Variants in GRIP1 observed in about 807,000 individuals in gnomAD.
GRIP1 encodes glutamate receptor-interacting protein 1.
A neutral mutation model predicts 129.9 loss-of-function variants in GRIP1; 45 were observed. That is an observed-to-expected ratio of 0.35 (90% CI 0.27 to 0.44). GRIP1 has a LOEUF of 0.44. Ranked by LOEUF, GRIP1 falls within the 20% of genes least tolerant of loss-of-function variation. GRIP1 has a pLI of 1.00. For synonymous variants in GRIP1, 530 were observed against 520.8 expected, an observed-to-expected ratio of 1.02 and a Z score of -0.24; for missense variants, 1,196 against 1,396.8, an observed-to-expected ratio of 0.86 and a Z score of 2.29.
intron 1 of GRIP1, among the ~76,000 whole-genome samples, chr12:66,613,037 G>T (rs567640816): frequency 2.2e-3 from 332 of 152,224 alleles, no homozygotes; most frequent in African/African-American, 7.6e-3. Context: ...GCTAAAAATG[G>T]CTCCTTAAAA....
At chr12:67,040,306 A>G (rs1002542679) in intron 1 of GRIP1, among the ~76,000 whole-genome samples, 10 of 152,078 alleles carry the variant, frequency 6.6e-5, no homozygotes, top group African/African-American at 2.4e-4. Flanking sequence ...CTTCCACTCA[A>G]TAAGAGAAAG....
At chr12:66,971,979 A>T (rs1271635682) in intron 1 of GRIP1, among the ~76,000 whole-genome samples, 2 of 152,174 alleles carry the variant, frequency 1.3e-5, no homozygotes, top group African/African-American at 4.8e-5. Context: ...GGTGAATGCC[A>T]GAAGCGGAAA....
At chr12:66,523,625 C>T (rs908542678) in intron 5 of GRIP1, among the ~76,000 whole-genome samples, 35 of 151,548 alleles carry the variant, frequency 2.3e-4, no homozygotes, top group South Asian at 1.3e-3. Flanking sequence ...CATCAACTAA[C>T]GAGCAAAATC....
chr12:66,678,612 TA>T (rs201656044), intron 1 of GRIP1, among the ~76,000 whole-genome samples: 10 of 148,708 alleles, frequency 6.7e-5, no homozygotes, highest in East Asian at 5.8e-4. Context: ...ATGAAGTCAT[TA>T]AAAAAAAAAT....
chr12:66,768,630 T>A (rs946613278), intron 1 of GRIP1, among the ~76,000 whole-genome samples: 1 of 152,198 alleles, frequency 6.6e-6, no homozygotes, highest in Non-Finnish European at 1.5e-5. Context: ...ATTTACCTTT[T>A]CCATGCACAG....
intron 1 of GRIP1, among the ~76,000 whole-genome samples, chr12:67,055,738 T>G (rs1592523942): frequency 6.6e-6 from 1 of 152,218 alleles, no homozygotes; most frequent in East Asian, 1.9e-4. Flanking sequence ...AATAATGTTT[T>G]TATATGATTA....
intron 1 of GRIP1, among the ~76,000 whole-genome samples, chr12:67,049,935 T>A (rs1039039026): frequency 6.6e-6 from 1 of 151,604 alleles, no homozygotes; most frequent in Non-Finnish European, 1.5e-5. Context: ...TTGTTTTAAT[T>A]GGCATTTCTT....
intron 1 of GRIP1, among the ~76,000 whole-genome samples, chr12:66,946,426 A>G (rs987070788): frequency 1.3e-5 from 2 of 152,216 alleles, no homozygotes; most frequent in South Asian, 2.1e-4. Context: ...TTCTATTACA[A>G]ATATATTCAA....
intron 7 of GRIP1, among the ~76,000 whole-genome samples, chr12:66,514,481 A>G (rs546718758): frequency 6.6e-6 from 1 of 152,244 alleles, no homozygotes; most frequent in African/African-American, 2.4e-5. Flanking sequence ...CAGAACCCAA[A>G]TCATCTAACT....
At chr12:66,612,432 G>A (rs1214988478) in intron 1 of GRIP1, among the ~76,000 whole-genome samples, 5 of 152,268 alleles carry the variant, frequency 3.3e-5, no homozygotes, top group African/African-American at 1.2e-4. Flanking sequence ...GCCTAGGTGG[G>A]AGGAATGCTT....
intron 14 of GRIP1, among the ~76,000 whole-genome samples, chr12:66,428,276 T>C (rs750521703): frequency 9.2e-5 from 14 of 152,146 alleles, no homozygotes; most frequent in Non-Finnish European, 1.8e-4. Flanking sequence ...AGTTAATTGA[T>C]TTGAAATGGA....
intron 7 of GRIP1, among the ~76,000 whole-genome samples, chr12:66,482,511 T>G (rs4913511): frequency 0.27 from 41,345 of 152,130 alleles, 5,833 homozygotes; most frequent in Middle Eastern, 0.43. Context: ...TAATTGATCA[T>G]TAGCCTTTTC....
intron 1 of GRIP1, among the ~76,000 whole-genome samples, chr12:66,918,970 C>T (rs2041170522): frequency 6.6e-6 from 1 of 152,120 alleles, no homozygotes; most frequent in African/African-American, 2.4e-5. Context: ...TGCACAAGTA[C>T]TGAACATTCA....
intron 15 of GRIP1, among the ~76,000 whole-genome samples, chr12:66,407,877 G>T (rs931489649): frequency 3.4e-4 from 52 of 152,002 alleles, no homozygotes; most frequent in African/African-American, 1.3e-3. Context: ...GGCTAAGTGA[G>T]TGCTTGCAAC....
At position 67,031,566 on chromosome 12, in the gene GRIP1, CTT is replaced by C. The variant is rs375851871; in HGVS notation, c.58+37482_58+37483del. Reference sequence around the variant, plus strand: ...CAAATCTCAGGGGCTTTCTCCACCTCTTTATTACATGGATAATTTACCGCACA... The same window carrying C: ...CAAATCTCAGGGGCTTTCTCCACCTCTATTACATGGATAATTTACCGCACA... On this transcript the variant is annotated intron_variant, in intron 1 of 1. Transcript: ENST00000643019. Among the ~76,000 whole-genome samples the C allele has an allele frequency of 1.1e-3, 172 of 152,268 alleles. 1 individual carries two copies. Among genetic ancestry groups the C allele is most frequent in the South Asian group, 7.9e-3 (38 of 4,820 alleles).
intron 1 of GRIP1, among the ~76,000 whole-genome samples, chr12:67,049,525 C>G (rs1234893166): frequency 6.6e-6 from 1 of 151,948 alleles, no homozygotes; most frequent in African/African-American, 2.4e-5. Context: ...AATACATGGA[C>G]GCAGGGAGGG....
chr12:66,468,391 C>T (rs1404650445), intron 7 of GRIP1, among the ~76,000 whole-genome samples: 1 of 152,196 alleles, frequency 6.6e-6, no homozygotes, highest in Admixed American at 6.5e-5. Context: ...TTTATGTGAG[C>T]ATTGTGAGTT....
intron 1 of GRIP1, among the ~76,000 whole-genome samples, chr12:66,756,073 T>C (rs896728012): frequency 1.3e-5 from 2 of 152,194 alleles, no homozygotes; most frequent in African/African-American, 4.8e-5. Context: ...CTTAACCTTA[T>C]TTAAGTGTAC....
chr12:66,786,522 C>G lies in GRIP1; in HGVS notation c.-420+17531G>C, dbSNP rs370244765. On this transcript the variant is annotated intron_variant, in intron 1 of 4. Coordinates refer to the GRIP1 transcript ENST00000538373. ...TTCCTCCCCAACCCAAACCATGTATCTCTGGTCTCATCCTCAGACACTGAC... is the reference window on the plus strand; with the variant it reads ...TTCCTCCCCAACCCAAACCATGTATGTCTGGTCTCATCCTCAGACACTGAC... Among the ~76,000 whole-genome samples the G allele has an allele frequency of 1.0e-3, 157 of 152,338 alleles. 1 individual carries two copies. The highest frequency in any genetic ancestry group is 3.8e-3 in the Admixed American group (58 of 15,304).
Sources: gnomAD v4.1 joint callset for allele counts (sites outside exome capture counted in the v4.1 genomes callset) on GRCh38, gnomAD v4.1.1 for gene constraint, MANE v1.5 for transcripts, NCBI Gene and HGNC (gene_info 2026-07-23, HGNC 2026-07-21) for gene names.